FOCAD: variants seen among roughly 807,000 people sequenced by gnomAD.
FOCAD encodes the protein focadhesin, also known as KIAA1797.
A neutral mutation model predicts 225.6 loss-of-function variants in FOCAD; 198 were observed. The observed-to-expected ratio is 0.88, with a 90% CI of 0.78 to 0.99. The LOEUF (loss-of-function observed/expected upper bound fraction) is 0.99. Among genes scored for constraint, FOCAD ranks in the 50% least tolerant of loss-of-function variants. The pLI, the probability that FOCAD is intolerant of heterozygous loss-of-function variation, is 0.00. For missense variants in FOCAD, 2,713 were observed against 2,123.6 expected (o/e 1.28, Z -5.46); for synonymous variants, 897 against 755.0 (o/e 1.19, Z -3.08).
At chr9:20,954,302 T>C (rs1837945467) in intron 35 of FOCAD, among the ~76,000 whole-genome samples, 2 of 152,144 alleles carry the variant, frequency 1.3e-5, no homozygotes, top group South Asian at 4.1e-4. Flanking sequence ...TAGGAGAAAA[T>C]TCTTACTAAA....
chr9:20,864,585 T>A (rs543358600), intron 16 of FOCAD, among the ~76,000 whole-genome samples: 153 of 152,222 alleles, frequency 1.0e-3, no homozygotes, highest in Non-Finnish European at 1.7e-3. Context: ...CCAAAGTTCT[T>A]TATACTGTTC....
intron 6 of FOCAD, among the ~76,000 whole-genome samples, chr9:20,761,828 T>A (rs1465002472): frequency 6.6e-6 from 1 of 152,166 alleles, no homozygotes; most frequent in Non-Finnish European, 1.5e-5. Context: ...ACATAATTGG[T>A]TACATTTGAA....
At position 20,885,238 on chromosome 9, in the gene FOCAD, C is replaced by T. The variant is rs1466891332; in HGVS notation, c.2625+8C>T. ...CTTGCTCTTGTACATGAGGTAGGTT[C>T]CCGTGTCCTCTTCTTTATGTTTTAG... On this transcript the variant is annotated splice_region_variant and intron_variant, in intron 21 of 43. Transcript: ENST00000338382. 1.3e-6 allele frequency: 2 copies of T among 1,486,604 alleles called. No homozygotes were observed. Among genetic ancestry groups the T allele is most frequent in the Non-Finnish European group, 1.8e-6 (2 of 1,116,840 alleles). 92.1% of individuals were successfully genotyped at this position (1,486,604 alleles called of 1,614,324 possible). A position where few individuals can be genotyped will look rare whatever the true frequency, so the allele number is the denominator to read the frequency against.
At chr9:20,937,632 GA>G (rs1836130770) in intron 28 of FOCAD, among the ~76,000 whole-genome samples, 2 of 152,130 alleles carry the variant, frequency 1.3e-5, no homozygotes, top group Non-Finnish European at 2.9e-5. Flanking sequence ...AACCCTAGAC[GA>G]AAACCTAGAC....
chr9:20,913,652 T>C (rs901978014), intron 23 of FOCAD, among the ~76,000 whole-genome samples: 2 of 152,202 alleles, frequency 1.3e-5, no homozygotes, highest in Non-Finnish European at 2.9e-5. Context: ...GACAGTTGGC[T>C]CATGTAGAAA....
At chr9:20,706,352 G>A (rs1304026503) in intron 1 of FOCAD, among the ~76,000 whole-genome samples, 3 of 152,110 alleles carry the variant, frequency 2.0e-5, no homozygotes, top group African/African-American at 7.2e-5. Context: ...TCTGTAAGTA[G>A]CATGTGATAT....
rs189738949 is a variant in FOCAD at position 20,696,237 on chromosome 9, A to T, written c.-33+11944A>T. On this transcript the variant is annotated intron_variant, in intron 1 of 43. Coordinates refer to ENST00000338382, the MANE Select transcript of FOCAD (RefSeq NM_001375567.1). ...AGGCATGTATCCTTTGACCAAATGG[A>T]GACCTAATGTATATATAACATGGTG... Among the ~76,000 whole-genome samples, 51 of 152,336 alleles carry T rather than the reference A, an allele frequency of 3.3e-4. 1 individual carries two copies. The highest frequency in any genetic ancestry group is 1.2e-3 in the African/African-American group (51 of 41,584).
At chr9:20,828,593 C>CT (rs1193705432) in intron 15 of FOCAD, among the ~76,000 whole-genome samples, 4 of 151,886 alleles carry the variant, frequency 2.6e-5, no homozygotes, top group African/African-American at 7.3e-5. Context: ...CTCACCAACA[C>CT]TTTTTTTTCC....
intron 34 of FOCAD, chr9:20,952,664 A>C (rs1490958302): frequency 2.8e-6 from 1 of 352,826 alleles, no homozygotes. Context: ...TCACTGGATT[A>C]GGGCTTATTG....
chr9:20,760,608 C>G (rs1387372248), intron 6 of FOCAD, among the ~76,000 whole-genome samples: 1 of 152,120 alleles, frequency 6.6e-6, no homozygotes, highest in Non-Finnish European at 1.5e-5. Context: ...TTTGAAATCT[C>G]TGTTTAGGCA....
intron 38 of FOCAD, 32 bp from the exon 39 acceptor site, chr9:20,982,321 CTGTT>C (rs770887977): frequency 3.5e-6 from 5 of 1,423,034 alleles, no homozygotes; most frequent in Non-Finnish European, 5.0e-6. Context: ...TTATTTTACA[CTGTT>C]TGTTGACATG....
At chr9:20,975,015 G>A (rs1438863130) in intron 35 of FOCAD, among the ~76,000 whole-genome samples, 2 of 152,012 alleles carry the variant, frequency 1.3e-5, no homozygotes, top group African/African-American at 4.8e-5. Context: ...AGCATCTTCT[G>A]ATTCAGGTGC....
intron 1 of FOCAD, among the ~76,000 whole-genome samples, chr9:20,709,465 C>T (rs1824655352): frequency 6.7e-6 from 1 of 148,612 alleles, no homozygotes; most frequent in African/African-American, 2.5e-5. Flanking sequence ...ACGTAGACTG[C>T]TCTCCAGACT....
intron 6 of FOCAD, among the ~76,000 whole-genome samples, chr9:20,762,774 G>T (rs1018114054): frequency 6.6e-6 from 1 of 151,996 alleles, no homozygotes. Flanking sequence ...CTGTCACCCC[G>T]TAGTGAACAA....
chr9:20,781,641 C>A (rs934928835), intron 9 of FOCAD, 86 bp from the exon 10 acceptor site: 4 of 1,155,598 alleles, frequency 3.5e-6, no homozygotes, highest in Non-Finnish European at 5.1e-6. Context: ...AGAAAACTTT[C>A]TTGCATATCA....
intron 21 of FOCAD, among the ~76,000 whole-genome samples, chr9:20,905,933 A>ATTT (rs35095102): frequency 4.7e-5 from 7 of 148,074 alleles, no homozygotes; most frequent in African/African-American, 1.5e-4. Context: ...ACTGTTTGAG[A>ATTT]TTTTTTTTTT....
intron 35 of FOCAD, among the ~76,000 whole-genome samples, chr9:20,968,498 A>G (rs1318699635): frequency 1.5e-5 from 2 of 132,344 alleles, no homozygotes; most frequent in Non-Finnish European, 3.1e-5. Flanking sequence ...CTGGAGTACA[A>G]TGGCGTGATC....
At chr9:20,790,349 C>T (rs972253213) in intron 11 of FOCAD, among the ~76,000 whole-genome samples, 5 of 152,174 alleles carry the variant, frequency 3.3e-5, no homozygotes, top group African/African-American at 1.2e-4. Context: ...GTTATCCTCT[C>T]TTTATTAGTA....
chr9:20,867,758 G>C (rs991464120), intron 18 of FOCAD, among the ~76,000 whole-genome samples: 1 of 152,066 alleles, frequency 6.6e-6, no homozygotes. Flanking sequence ...CATTGTGTTA[G>C]ATGAAGTTAC....
Sources: allele counts gnomAD v4.1 joint callset (sites outside exome capture counted in the v4.1 genomes callset), GRCh38; gene constraint gnomAD v4.1.1; transcripts MANE v1.5; gene names NCBI Gene and HGNC (gene_info 2026-07-23, HGNC 2026-07-21).